MYH11: variants seen among roughly 807,000 people sequenced by gnomAD.
The protein encoded by MYH11 is myosin-11.
MYH11 carries 80 observed loss-of-function variants against 246.6 expected under a neutral mutation model. The observed-to-expected ratio is 0.32, with a 90% CI of 0.27 to 0.39. The LOEUF is 0.39. MYH11 is among the 10% of genes least tolerant of loss of function. The probability of loss-of-function intolerance (pLI) is 1.00; values close to 1 mark genes in which losing one functional copy is unlikely to be tolerated. For missense variants in MYH11, 2,158 were observed against 2,546.8 expected, an observed-to-expected ratio of 0.85 and a Z score of 3.29; for synonymous variants, 1,071 against 1,015.5, an observed-to-expected ratio of 1.05 and a Z score of -1.04.
intron 3 of MYH11, among the ~76,000 whole-genome samples, chr16:15,801,022 A>G (rs2042872693): frequency 6.6e-6 from 1 of 152,024 alleles, no homozygotes; most frequent in Non-Finnish European, 1.5e-5. Context: ...CCTGGCTAAC[A>G]TGGTGAAACC....
chr16:15,822,347 G>T (rs912886266), intron 3 of MYH11, among the ~76,000 whole-genome samples: 1 of 152,010 alleles, frequency 6.6e-6, no homozygotes, highest in South Asian at 2.1e-4. Flanking sequence ...GTTTGACTTG[G>T]GGGTGGCTAT....
chr16:15,801,090 C>T (rs1412630833), intron 3 of MYH11, among the ~76,000 whole-genome samples: 1 of 151,974 alleles, frequency 6.6e-6, no homozygotes, highest in African/African-American at 2.4e-5. Flanking sequence ...CTTGTAATCC[C>T]AGCTACTCAG....
chr16:15,850,352 T>G (rs1235342760), intron 1 of MYH11, among the ~76,000 whole-genome samples: 6 of 152,084 alleles, frequency 3.9e-5, no homozygotes, highest in Non-Finnish European at 8.8e-5. Flanking sequence ...ATCACTGCAC[T>G]CCAGCCTGGG....
intron 1 of MYH11, among the ~76,000 whole-genome samples, chr16:15,852,835 T>C (rs972642017): frequency 6.6e-6 from 1 of 152,182 alleles, no homozygotes; most frequent in Non-Finnish European, 1.5e-5. Context: ...GAAAGGTAAA[T>C]GCAAGGCCCT....
intron 25 of MYH11, 56 bp downstream of exon 25, chr16:15,737,393 C>CA (rs1747930165): frequency 6.2e-7 from 1 of 1,600,730 alleles, no homozygotes; most frequent in African/African-American, 1.3e-5. Flanking sequence ...AGCGAATGAG[C>CA]AGGGGCCCAG....
intron 26 of MYH11, among the ~76,000 whole-genome samples, chr16:15,734,120 A>G (rs1418117992): frequency 2.0e-5 from 3 of 152,236 alleles, no homozygotes; most frequent in Non-Finnish European, 4.4e-5. Context: ...TTGTTTGTTC[A>G]TTTGAAGTGA....
At chr16:15,829,697 C>G (rs1257877195) in intron 2 of MYH11, among the ~76,000 whole-genome samples, 1 of 152,156 alleles carries the variant, frequency 6.6e-6, no homozygotes, top group South Asian at 2.1e-4. Context: ...CTCTTGTGAC[C>G]GTATTAGGAA....
At chr16:15,818,601 G>GT (rs576598316) in intron 3 of MYH11, among the ~76,000 whole-genome samples, 5 of 151,602 alleles carry the variant, frequency 3.3e-5, no homozygotes, top group South Asian at 2.1e-4. Context: ...TGCCTGGCTA[G>GT]TTTTTTTTGT....
chr16:15,765,128 T>C (rs1335084134), intron 9 of MYH11, among the ~76,000 whole-genome samples: 1 of 152,060 alleles, frequency 6.6e-6, no homozygotes, highest in Non-Finnish European at 1.5e-5. Context: ...GAGAGATGGA[T>C]GGATGGTAGG....
intron 2 of MYH11, 40 bp from the exon 3 acceptor site, chr16:15,823,451 A>C: frequency 6.2e-7 from 1 of 1,613,626 alleles, no homozygotes; most frequent in South Asian, 1.1e-5. Context: ...GACCTCCTCC[A>C]GGGTAGACAG....
At chr16:15,719,488 G>C in intron 35 of MYH11, 97 bp downstream of exon 35, 4 of 1,583,110 alleles carry the variant, frequency 2.5e-6, no homozygotes, top group East Asian at 2.2e-5. Flanking sequence ...CCCCAGAGGA[G>C]GACGAAATGA....
intron 20 of MYH11, 138 bp downstream of exon 20, chr16:15,744,991 C>T (rs367639152): frequency 1.5e-5 from 11 of 720,278 alleles, no homozygotes; most frequent in Admixed American, 1.4e-4. Context: ...GCCAGAGAAC[C>T]GCCAATGCTC....
At chr16:15,779,642 G>A (rs1402307591) in intron 6 of MYH11, among the ~76,000 whole-genome samples, 1 of 152,068 alleles carries the variant, frequency 6.6e-6, no homozygotes, top group East Asian at 1.9e-4. Context: ...CCTTTTCTGT[G>A]GGACAGGTGA....
rs1469685757 is a variant in MYH11, at chr16:15,719,572, G to A, written c.5082+13C>T. ...CCCGCATCTGAGGCTCTCCTAGCAA[G>A]GCGAGGCTTTACCTCTTGTAGCTGC... On this transcript the variant is annotated intron_variant, in intron 35 of 40. Coordinates refer to ENST00000300036, the MANE Select transcript of MYH11 (RefSeq NM_002474.3). 6.2e-7 allele frequency: 1 copy of A among 1,613,828 alleles called. No individual in the cohort carries two copies. The highest frequency in any genetic ancestry group is 8.5e-7 in the Non-Finnish European group (1 of 1,180,062).
intron 1 of MYH11, among the ~76,000 whole-genome samples, chr16:15,845,742 G>T (rs2044174138): frequency 6.6e-6 from 1 of 152,026 alleles, no homozygotes; most frequent in African/African-American, 2.4e-5. Context: ...GAGAGAGAGA[G>T]AGAGAAACTG....
At chr16:15,725,261 A>G (rs1163907812) in intron 28 of MYH11, 10 of 590,878 alleles carry the variant, frequency 1.7e-5, no homozygotes, top group East Asian at 8.5e-5. Flanking sequence ...TTGAGCCCCA[A>G]TGGTATTGAC....
chr16:15,835,765 TTTG>T (rs1286453648), intron 2 of MYH11, among the ~76,000 whole-genome samples: 224 of 143,064 alleles, frequency 1.6e-3, no homozygotes, highest in African/African-American at 6.0e-3. Context: ...TTTTTTTTTT[TTTG>T]AAACAGACAA....
At chr16:15,831,458 G>A (rs558632905) in intron 2 of MYH11, among the ~76,000 whole-genome samples, 8 of 101,158 alleles carry the variant, frequency 7.9e-5, no homozygotes, top group Non-Finnish European at 1.6e-4. Context: ...TTTTTCTTAT[G>A]TTTGGGGTGT....
At chr16:15,718,067 G>C in intron 37 of MYH11, 1 of 593,252 alleles carries the variant, frequency 1.7e-6, no homozygotes, top group Non-Finnish European at 3.0e-6. Flanking sequence ...ATGGCCGTGA[G>C]GTACGGGGAG....
Sources: allele counts gnomAD v4.1 joint callset (sites outside exome capture counted in the v4.1 genomes callset), GRCh38; gene constraint gnomAD v4.1.1; transcripts MANE v1.5; gene names NCBI Gene and HGNC (gene_info 2026-07-23, HGNC 2026-07-21).